NR5A1: variants seen among roughly 807,000 people sequenced by gnomAD.
The protein encoded by NR5A1 is nuclear receptor subfamily 5 group A member 1.
In NR5A1, 6 loss-of-function variants were observed where a neutral mutation model predicts 42.7. That is an observed-to-expected ratio of 0.14 (90% CI 0.08 to 0.28). The LOEUF (loss-of-function observed/expected upper bound fraction) is 0.28, where lower values mean the gene tolerates loss of function less well. Ranked by LOEUF, NR5A1 falls within the 10% of genes least tolerant of loss-of-function variation. NR5A1 has a pLI of 1.00. For synonymous variants in NR5A1, 274 were observed against 277.5 expected, an observed-to-expected ratio of 0.99 and a Z score of 0.12; for missense variants, 442 against 626.4, an observed-to-expected ratio of 0.71 and a Z score of 3.14.
intron 1 of NR5A1, among the ~76,000 whole-genome samples, chr9:124,504,970 C>T (rs1019811559): frequency 6.6e-6 from 1 of 151,018 alleles, no homozygotes; most frequent in African/African-American, 2.4e-5. Context: ...CAGCCGCCAC[C>T]CCGCCCTGCG....
intron 4 of NR5A1, among the ~76,000 whole-genome samples, chr9:124,497,650 CGGAA>C (rs1832407167): frequency 6.6e-6 from 1 of 152,146 alleles, no homozygotes; most frequent in African/African-American, 2.4e-5. Context: ...CTCCCTGACC[CGGAA>C]CCTGGAGCCC....
intron 6 of NR5A1, among the ~76,000 whole-genome samples, chr9:124,489,480 G>A (rs868183872): frequency 1.3e-5 from 2 of 152,270 alleles, no homozygotes; most frequent in African/African-American, 2.4e-5. Context: ...AAAGTTCATC[G>A]TTTGCACATG....
chr9:124,488,282 G>C (rs1832252702), intron 6 of NR5A1, among the ~76,000 whole-genome samples: 1 of 152,016 alleles, frequency 6.6e-6, no homozygotes, highest in South Asian at 2.1e-4. Context: ...AACTGATGGG[G>C]TTCCTCTCCC....
At chr9:124,483,258 C>T (rs1393386530) in intron 6 of NR5A1, among the ~76,000 whole-genome samples, 1 of 152,226 alleles carries the variant, frequency 6.6e-6, no homozygotes, top group Non-Finnish European at 1.5e-5. Flanking sequence ...ACATGGCCAC[C>T]GCCACCATCA....
At chr9:124,495,311 C>T (rs537315568) in intron 4 of NR5A1, among the ~76,000 whole-genome samples, 1 of 152,306 alleles carries the variant, frequency 6.6e-6, no homozygotes, top group East Asian at 1.9e-4. Flanking sequence ...CCGCGGTTTC[C>T]AGGAGGGAGC....
In NR5A1 at chr9:124,483,003, A is replaced by G. The variant is rs200939258; in HGVS notation, c.1141T>C (p.Leu381=). 68 of 1,613,962 alleles carry G rather than the reference A, an allele frequency of 4.2e-5. No individual in the cohort carries two copies. The highest frequency in any genetic ancestry group is 3.3e-4 in the African/African-American group (25 of 74,988). Residue 381 remains leucine, a splice_region_variant and synonymous_variant, in exon 7 of 7, where the codon TTG becomes CTG. Coordinates refer to ENST00000373588, the MANE Select transcript of NR5A1 (RefSeq NM_004959.5). ...AGGATGTGGTTATTCAGGAACTTCA[A>G]ATCTGCAAAGGGAGGTTCTCGGTCA... ...LKFIILFSLD[L]KFLNNHILVK...
At position 124,501,686 on chromosome 9, in the gene NR5A1, A is replaced by G. The variant is rs918344265; in HGVS notation, c.245-971T>C. On this transcript the variant is annotated intron_variant, in intron 3 of 6. Coordinates refer to ENST00000373588, the MANE Select transcript of NR5A1 (RefSeq NM_004959.5). The surrounding 1 kb of genome is among the most constrained non-coding windows in gnomAD (Gnocchi z 4.1). The stretch of plus-strand genomic sequence containing the variant: ...TTTCTACTGCCCACAACAGCCAGCT[A>G]TCTGGCCCCTTGGGACCTGGCACTA... Among the ~76,000 whole-genome samples the G allele has an allele frequency of 3.9e-5, 6 of 152,144 alleles. No individual in the cohort carries two copies. Among genetic ancestry groups the G allele is most frequent in the Non-Finnish European group, 8.8e-5 (6 of 68,022 alleles).
chr9:124,498,570 G>A lies in NR5A1; in HGVS notation c.870+1520C>T, dbSNP rs949089796. 2.0e-5 allele frequency among the ~76,000 whole-genome samples: 3 copies of A among 152,186 alleles called. No homozygotes were observed. The highest frequency in any genetic ancestry group is 4.4e-5 in the Non-Finnish European group (3 of 68,014). ...GCCCTGCTCCTCCTCCCCTCTGCAC[G>A]GGGGGTGCATGGGAAGTCTGGAGGG... On this transcript the variant is annotated intron_variant, in intron 4 of 6. Coordinates refer to ENST00000373588, the MANE Select transcript of NR5A1 (RefSeq NM_004959.5). This position sits in a 1 kb window ranked among gnomAD's most constrained non-coding sequence, Gnocchi z 4.6.
At chr9:124,505,080 C>T (rs916775741) in intron 1 of NR5A1, among the ~76,000 whole-genome samples, 15 of 152,022 alleles carry the variant, frequency 9.9e-5, no homozygotes, top group African/African-American at 3.6e-4. Context: ...AAGCCCGGCC[C>T]GCGCCGGCAC....
chr9:124,503,440 C>T lies in NR5A1; in HGVS notation c.-15-30G>A, dbSNP rs769651301. Reference sequence around the variant, plus strand: ...GGAGGGACAGCGGGTCAGGGAGGGCCGGCGGAGACCGGCAGCCTGGGGTCC... The same window carrying T: ...GGAGGGACAGCGGGTCAGGGAGGGCTGGCGGAGACCGGCAGCCTGGGGTCC... On this transcript the variant is annotated intron_variant, in intron 1 of 6. Transcript: ENST00000373588. This position sits in a 1 kb window ranked among gnomAD's most constrained non-coding sequence, Gnocchi z 9.6. 4 of 1,547,146 alleles carry T rather than the reference C, an allele frequency of 2.6e-6. No homozygotes were observed. The African/African-American group carries it at 4.1e-5, about 16-fold the overall frequency.
chr9:124,482,708 GCCCC>G lies in NR5A1; in HGVS notation c.*46_*49del. On this transcript the variant is annotated 3_prime_UTR_variant, in exon 7 of 7. Transcript: ENST00000373588. ...GCGGTGTGGCTGCGGCCCCGCCCAG[GCCCC>G]GCCCCCAGTCCCGCCCCCAGTCCCG... 5.2e-4 allele frequency: 288 copies of G among 557,734 alleles called. 2 individuals carry two copies. The highest frequency in any genetic ancestry group is 7.3e-4 in the South Asian group (43 of 58,658). 34.5% of individuals were successfully genotyped at this position (557,734 alleles called of 1,614,324 possible). A position where few individuals can be genotyped will look rare whatever the true frequency, so the allele number is the denominator to read the frequency against.
intron 5 of NR5A1, among the ~76,000 whole-genome samples, chr9:124,492,746 C>G (rs892800437): frequency 1.3e-4 from 20 of 152,132 alleles, no homozygotes; most frequent in African/African-American, 4.8e-4. Flanking sequence ...CCAGGGCCAC[C>G]ATCACCTCCT....
chr9:124,504,057 G>C (rs1406296577), intron 1 of NR5A1, among the ~76,000 whole-genome samples: 4 of 150,422 alleles, frequency 2.7e-5, no homozygotes, highest in Non-Finnish European at 4.4e-5. Flanking sequence ...AGAGACGAGA[G>C]AGAGAGAGAG....
Position 124,500,439 on chromosome 9 carries a change from G to A in NR5A1, c.521C>T (p.Pro174Leu), listed in dbSNP as rs746821998. The A allele has an allele frequency of 2.3e-5, 37 of 1,579,032 alleles. No individual in the cohort carries two copies. Among genetic ancestry groups the A allele is most frequent in the Non-Finnish European group, 3.0e-5 (35 of 1,164,216 alleles). ...FGAPALPMAV[P>L]GAHGPLAGYL... The stretch of plus-strand genomic sequence containing the variant: ...GCCAGCCAGTGGCCCGTGGGCACCG[G>A]GCACGGCCATGGGCAGTGCTGGGGC... Residue 174 changes from proline to leucine, a missense_variant, in exon 4 of 7, where the codon CCC becomes CTC. By Grantham distance (98) the Pro-to-Leu change is moderately conservative. Coordinates refer to ENST00000373588, the MANE Select transcript of NR5A1 (RefSeq NM_004959.5). The surrounding 1 kb of genome is among the most constrained non-coding windows in gnomAD (Gnocchi z 6.9).
chr9:124,500,459 T>C lies in NR5A1; in HGVS notation c.501A>G (p.Pro167=). The C allele has an allele frequency of 6.3e-7, 1 of 1,592,180 alleles. No individual in the cohort carries two copies. The highest frequency in any genetic ancestry group is 8.5e-7 in the Non-Finnish European group (1 of 1,171,192). Residue 167 remains proline (P), a synonymous_variant, in exon 4 of 7, where the codon CCA becomes CCG. Transcript: ENST00000373588. This position sits in a 1 kb window ranked among gnomAD's most constrained non-coding sequence, Gnocchi z 6.9. Reference sequence around the variant, plus strand: ...CACCGGGCACGGCCATGGGCAGTGCTGGGGCCCCAAAGTCGCCCAGTGGCC... The same window carrying C: ...CACCGGGCACGGCCATGGGCAGTGCCGGGGCCCCAAAGTCGCCCAGTGGCC... ...PAGPLGDFGA[P]ALPMAVPGAH... is the part of the protein sequence containing the mutation.
rs142402038 is a variant in NR5A1 at position 124,503,363 on chromosome 9, C to T, written c.33G>A (p.Glu11=). 165 of 1,611,418 alleles carry T rather than the reference C, an allele frequency of 1.0e-4. No homozygotes were observed. The African/African-American group carries it at 2.0e-3, about 20-fold the overall frequency. The change falls in exon 2 of 7, where the codon GAG becomes GAA. Residue 11 remains glutamate (E), a synonymous_variant. Transcript: ENST00000373588. This position sits in a 1 kb window ranked among gnomAD's most constrained non-coding sequence, Gnocchi z 9.6. The part of the protein sequence containing the change: MDYSYDEDLD[E]LCPVCGDKVS... ...CCTTGTCCCCGCACACGGGGCACAG[C>T]TCGTCCAGGTCCTCGTCGTACGAAT...
chr9:124,491,343 G>T, intron 5 of NR5A1, 115 bp from the exon 6 acceptor site: 1 of 814,846 alleles, frequency 1.2e-6, no homozygotes, highest in Non-Finnish European at 1.9e-6. Context: ...GGTCAGATGG[G>T]CTGGCGTCAG....
rs1231916758 is a variant in NR5A1, at chr9:124,496,043, G to T, written c.871-2894C>A. Among the ~76,000 whole-genome samples, 1 of 152,146 alleles carries T rather than the reference G, an allele frequency of 6.6e-6. No homozygotes were observed. The highest frequency in any genetic ancestry group is 1.9e-4 in the East Asian group (1 of 5,200). On this transcript the variant is annotated intron_variant, in intron 4 of 6. Transcript: ENST00000373588. The surrounding 1 kb of genome is among the most constrained non-coding windows in gnomAD (Gnocchi z 5.0). Reference sequence around the variant, plus strand: ...ATGGGAATCGGTGGACCTGCTGTTGGTTCTTACGTGGATGCTGCCCGGCCG... The same window carrying T: ...ATGGGAATCGGTGGACCTGCTGTTGTTTCTTACGTGGATGCTGCCCGGCCG...
At chr9:124,488,060 C>T (rs1832248726) in intron 6 of NR5A1, among the ~76,000 whole-genome samples, 1 of 151,994 alleles carries the variant, frequency 6.6e-6, no homozygotes, top group Non-Finnish European at 1.5e-5. Context: ...GTCCCCACCC[C>T]TGCAGCCACA....
Sources: gnomAD v4.1 joint callset for allele counts (sites outside exome capture counted in the v4.1 genomes callset) on GRCh38, gnomAD v4.1.1 for gene constraint, Gnocchi (gnomAD v3.1) non-coding constraint, MANE v1.5 for transcripts, NCBI Gene and HGNC (gene_info 2026-07-23, HGNC 2026-07-21) for gene names.